The following SAMSN1 variants were observed in gnomAD, a reference collection of about 807,000 sequenced individuals.
The protein encoded by SAMSN1 is SAM domain, SH3 domain and nuclear localization signals 1.
Under a neutral mutation model 42.0 loss-of-function variants are expected in SAMSN1, and 31 were observed. That is an observed-to-expected ratio of 0.74 (90% CI 0.55 to 1.00). The LOEUF is 1.00. Ranked by LOEUF, SAMSN1 falls within the 50% of genes least tolerant of loss-of-function variation. The pLI, the probability that SAMSN1 is intolerant of heterozygous loss-of-function variation, is 0.00. For synonymous variants in SAMSN1, 178 were observed against 151.9 expected, an observed-to-expected ratio of 1.17 and a Z score of -1.26; for missense variants, 464 against 439.4, an observed-to-expected ratio of 1.06 and a Z score of -0.50.
intron 2 of SAMSN1, among the ~76,000 whole-genome samples, chr21:14,556,255 G>A (rs1980758516): frequency 6.6e-6 from 1 of 152,092 alleles, no homozygotes; most frequent in East Asian, 1.9e-4. Flanking sequence ...GAGGGTAAGT[G>A]TATTGTCTAC....
At chr21:14,507,165 C>G (rs146520251) in intron 5 of SAMSN1, among the ~76,000 whole-genome samples, 1,611 of 152,248 alleles carry the variant, frequency 0.011, 35 homozygotes, top group African/African-American at 0.037. Flanking sequence ...CATTCCTCTT[C>G]AACACAGTAC....
At chr21:14,637,118 A>G (rs993582028) in intron 2 of SAMSN1, among the ~76,000 whole-genome samples, 9 of 152,170 alleles carry the variant, frequency 5.9e-5, no homozygotes, top group Non-Finnish European at 1.0e-4. Flanking sequence ...TCAAGTGGCT[A>G]TTGAGTGCTT....
chr21:14,596,487 C>G (rs1465138429), intron 6 of SAMSN1, among the ~76,000 whole-genome samples: 1 of 152,044 alleles, frequency 6.6e-6, no homozygotes, highest in African/African-American at 2.4e-5. Flanking sequence ...TAAGACTGCC[C>G]CTCACCCTTA....
At chr21:14,532,749 T>A (rs555418944) in intron 1 of SAMSN1, among the ~76,000 whole-genome samples, 1 of 152,238 alleles carries the variant, frequency 6.6e-6, no homozygotes, top group African/African-American at 2.4e-5. Context: ...AGTGAGATAG[T>A]CATAATCTTA....
chr21:14,516,385 T>A (rs1310501069), intron 3 of SAMSN1, among the ~76,000 whole-genome samples: 1 of 152,124 alleles, frequency 6.6e-6, no homozygotes, highest in African/African-American at 2.4e-5. Context: ...TCTAGATGCA[T>A]GATCTTTTTT....
At chr21:14,495,544 A>AT (rs758436909) in intron 7 of SAMSN1, among the ~76,000 whole-genome samples, 86 of 149,690 alleles carry the variant, frequency 5.7e-4, no homozygotes, top group East Asian at 1.8e-3. Flanking sequence ...TTGAATCTGT[A>AT]TTTTTTTTTT....
intron 1 of SAMSN1, among the ~76,000 whole-genome samples, chr21:14,653,405 A>G (rs1423658143): frequency 6.6e-6 from 1 of 152,078 alleles, no homozygotes; most frequent in Non-Finnish European, 1.5e-5. Flanking sequence ...CTGAAAGACA[A>G]ACATCGCATG....
intron 1 of SAMSN1, 61 bp downstream of exon 1, chr21:14,546,142 CAT>C (rs1398007869): frequency 3.6e-6 from 5 of 1,376,208 alleles, no homozygotes; most frequent in Admixed American, 1.7e-5. Flanking sequence ...TTCAAACACA[CAT>C]ATGTGTTTAT....
At chr21:14,491,437 T>C (rs1163573267) in intron 7 of SAMSN1, among the ~76,000 whole-genome samples, 6 of 152,158 alleles carry the variant, frequency 3.9e-5, no homozygotes, top group Non-Finnish European at 8.8e-5. Flanking sequence ...TAAAAGCAGA[T>C]GACATTTCCA....
intron 1 of SAMSN1, among the ~76,000 whole-genome samples, chr21:14,537,129 G>A (rs189748957): frequency 3.3e-5 from 5 of 152,150 alleles, no homozygotes; most frequent in Non-Finnish European, 7.3e-5. Context: ...GGCCTAGAAC[G>A]CCTTCAGTGA....
intron 2 of SAMSN1, among the ~76,000 whole-genome samples, chr21:14,579,819 A>G (rs1981645271): frequency 6.6e-6 from 1 of 152,042 alleles, no homozygotes; most frequent in African/African-American, 2.4e-5. Context: ...ATTACATTAT[A>G]GGAACTATGG....
intron 7 of SAMSN1, among the ~76,000 whole-genome samples, chr21:14,488,626 C>T (rs890069364): frequency 1.3e-5 from 2 of 152,146 alleles, no homozygotes; most frequent in Non-Finnish European, 2.9e-5. Flanking sequence ...TTTATTTCCA[C>T]ATGAGAAATG....
At chr21:14,550,434 G>A (rs1414684668), upstream of SAMSN1, among the ~76,000 whole-genome samples, 1 of 152,020 alleles carries the variant, frequency 6.6e-6, no homozygotes, top group African/African-American at 2.4e-5. Context: ...GGAGATTAGG[G>A]GAAGATAAAA....
chr21:14,636,110 A>C (rs455658), intron 2 of SAMSN1, among the ~76,000 whole-genome samples: 114,181 of 151,922 alleles, frequency 0.75, 43,839 homozygotes, highest in Middle Eastern at 0.88. Context: ...TCTATTGCTC[A>C]GAAAACTTAG....
intron 2 of SAMSN1, among the ~76,000 whole-genome samples, chr21:14,553,906 T>G (rs1183003047): frequency 6.6e-6 from 1 of 152,094 alleles, no homozygotes; most frequent in Admixed American, 6.6e-5. Context: ...ATTTAAAAAC[T>G]TCTCTTTAGG....
At chr21:14,576,617 T>C (rs1001179997) in intron 2 of SAMSN1, among the ~76,000 whole-genome samples, 1 of 151,972 alleles carries the variant, frequency 6.6e-6, no homozygotes, top group Non-Finnish European at 1.5e-5. Context: ...GCAGACCACC[T>C]GTTCCTCCAA....
At chr21:14,588,081 A>C (rs1377706310), upstream of SAMSN1, among the ~76,000 whole-genome samples, 31 of 139,432 alleles carry the variant, frequency 2.2e-4, no homozygotes, top group East Asian at 4.1e-4. Flanking sequence ...TGAACTCATC[A>C]TTTTTTATGG....
intron 7 of SAMSN1, among the ~76,000 whole-genome samples, chr21:14,497,231 C>T (rs1201686141): frequency 2.0e-5 from 3 of 152,188 alleles, no homozygotes; most frequent in Non-Finnish European, 2.9e-5. Context: ...AGAGAATAAT[C>T]AGGAAAGACC....
chr21:14,565,857 G>T lies in SAMSN1; in HGVS notation c.261+16279C>A, dbSNP rs563648891. 9.2e-5 allele frequency among the ~76,000 whole-genome samples: 14 copies of T among 152,272 alleles called. No individual in the cohort carries two copies. In the South Asian group the frequency reaches 2.5e-3, roughly 27 times the overall value. On this transcript the variant is annotated intron_variant, in intron 2 of 8. Transcript: ENST00000285670. The stretch of plus-strand genomic sequence containing the variant: ...CAAAAATGCTCTGAACATATGAGGA[G>T]TTTAATAAATATTTGGGGATTGGTA...
Sources: allele counts gnomAD v4.1 joint callset (sites outside exome capture counted in the v4.1 genomes callset), GRCh38; gene constraint gnomAD v4.1.1; transcripts MANE v1.5; gene names NCBI Gene and HGNC (gene_info 2026-07-23, HGNC 2026-07-21).